The following DLG2 variants were observed in gnomAD, a reference collection of about 807,000 sequenced individuals.
DLG2 encodes disks large homolog 2.
In DLG2, 45 loss-of-function variants were observed where a neutral mutation model predicts 132.5. The ratio of observed to expected loss-of-function variants is 0.34; its 90% CI spans 0.27 to 0.44. The LOEUF (loss-of-function observed/expected upper bound fraction) is 0.44, where lower values mean the gene tolerates loss of function less well. DLG2 is among the 20% of genes least tolerant of loss of function. The probability of loss-of-function intolerance (pLI) is 1.00; values close to 1 mark genes in which losing one functional copy is unlikely to be tolerated. For synonymous variants in DLG2, 424 were observed against 419.6 expected (o/e 1.01, Z -0.13); for missense variants, 1,045 against 1,196.9 (o/e 0.87, Z 1.87).
chr11:85,545,701 C>T (rs2076271767), intron 3 of DLG2, among the ~76,000 whole-genome samples: 2 of 152,126 alleles, frequency 1.3e-5, no homozygotes, highest in South Asian at 4.1e-4. Flanking sequence ...TCAACTTCTT[C>T]CTGGTTTAGT....
intron 6 of DLG2, among the ~76,000 whole-genome samples, chr11:84,784,341 TA>T (rs1565952859): frequency 2.7e-5 from 4 of 146,150 alleles, no homozygotes; most frequent in Non-Finnish European, 6.0e-5. Context: ...AATAAATAAA[TA>T]AATAAATAAA....
At chr11:83,844,707 A>C (rs757011083) in intron 16 of DLG2, among the ~76,000 whole-genome samples, 2 of 152,134 alleles carry the variant, frequency 1.3e-5, no homozygotes, top group Non-Finnish European at 2.9e-5. Context: ...TCTTCGCAAT[A>C]GATCTCCAGA....
intron 19 of DLG2, among the ~76,000 whole-genome samples, chr11:83,621,170 A>T (rs1359594946): frequency 6.6e-6 from 1 of 152,174 alleles, no homozygotes; most frequent in African/African-American, 2.4e-5. Flanking sequence ...AAGAGCAACC[A>T]ATTCAAATAT....
chr11:85,504,413 T>C (rs1371368168), intron 3 of DLG2, among the ~76,000 whole-genome samples: 4 of 152,234 alleles, frequency 2.6e-5, no homozygotes, highest in African/African-American at 7.2e-5. Context: ...AGGGATCCAG[T>C]TTCAGCTTTC....
intron 22 of DLG2, 117 bp from the exon 23 acceptor site, chr11:83,472,894 C>G: frequency 1.2e-6 from 1 of 807,958 alleles, no homozygotes; most frequent in Non-Finnish European, 2.0e-6. Context: ...CTTGCTCTTT[C>G]TCCTTGAACC....
chr11:84,332,204 C>G (rs1376154931), intron 7 of DLG2, among the ~76,000 whole-genome samples: 3 of 137,240 alleles, frequency 2.2e-5, no homozygotes, highest in Non-Finnish European at 3.1e-5. Context: ...TTTGCTTGTC[C>G]TTTTTTTTTT....
At chr11:84,615,054 T>A (rs1318675975) in intron 6 of DLG2, among the ~76,000 whole-genome samples, 1 of 152,092 alleles carries the variant, frequency 6.6e-6, no homozygotes, top group Non-Finnish European at 1.5e-5. Flanking sequence ...ACCCAATTCA[T>A]AAGGATGATA....
intron 7 of DLG2, among the ~76,000 whole-genome samples, chr11:84,415,066 TG>T (rs2098924373): frequency 6.6e-6 from 1 of 152,172 alleles, no homozygotes; most frequent in African/African-American, 2.4e-5. Flanking sequence ...AATTTCAATA[TG>T]CAAAGCAGAG....
At chr11:85,150,913 G>C (rs527302190) in intron 5 of DLG2, among the ~76,000 whole-genome samples, 4 of 152,044 alleles carry the variant, frequency 2.6e-5, no homozygotes, top group Admixed American at 2.6e-4. Context: ...TTGCTGGATC[G>C]TACGGTATTT....
intron 6 of DLG2, among the ~76,000 whole-genome samples, chr11:84,708,298 C>T (rs2059989595): frequency 6.6e-6 from 1 of 151,890 alleles, no homozygotes; most frequent in South Asian, 2.1e-4. Context: ...TAACAGTAAA[C>T]ATTATTTTAA....
intron 18 of DLG2, among the ~76,000 whole-genome samples, chr11:83,785,876 G>C (rs1462480470): frequency 6.6e-6 from 1 of 152,128 alleles, no homozygotes; most frequent in Non-Finnish European, 1.5e-5. Flanking sequence ...TAGCCATATG[G>C]ACCAAAAGCA....
At chr11:84,840,987 A>G (rs1207623604) in intron 6 of DLG2, among the ~76,000 whole-genome samples, 3 of 150,826 alleles carry the variant, frequency 2.0e-5, no homozygotes, top group Non-Finnish European at 4.4e-5. Context: ...TTAAAGTATA[A>G]TAGTAAAAAA....
chr11:85,317,213 G>A (rs540743005), intron 3 of DLG2, among the ~76,000 whole-genome samples: 2 of 152,002 alleles, frequency 1.3e-5, no homozygotes, highest in Admixed American at 6.6e-5. Context: ...ACTAAAAGAG[G>A]ATGTGGTAAA....
intron 8 of DLG2, among the ~76,000 whole-genome samples, chr11:84,182,997 G>A (rs1379219811): frequency 1.3e-5 from 2 of 152,048 alleles, no homozygotes; most frequent in South Asian, 4.1e-4. Flanking sequence ...AAGGTGAAAT[G>A]AACTGTTTTC....
chr11:84,103,248 A>G (rs2092669618), intron 9 of DLG2, among the ~76,000 whole-genome samples: 1 of 152,056 alleles, frequency 6.6e-6, no homozygotes, highest in Admixed American at 6.6e-5. Flanking sequence ...AGAGAGAGGG[A>G]CAGATGCAAA....
chr11:83,545,475 T>C (rs998944548), intron 19 of DLG2, among the ~76,000 whole-genome samples: 1 of 152,098 alleles, frequency 6.6e-6, no homozygotes, highest in East Asian at 1.9e-4. Context: ...ATCTAAAATA[T>C]CTCTGTATCC....
At chr11:84,125,517 T>C (rs902472336) in intron 9 of DLG2, among the ~76,000 whole-genome samples, 2 of 152,094 alleles carry the variant, frequency 1.3e-5, no homozygotes, top group African/African-American at 4.8e-5. Flanking sequence ...ATGCTGAGGA[T>C]CTTTAGGGTC....
At chr11:85,415,076 G>A (rs2089701813) in intron 3 of DLG2, among the ~76,000 whole-genome samples, 1 of 151,914 alleles carries the variant, frequency 6.6e-6, no homozygotes, top group Non-Finnish European at 1.5e-5. Flanking sequence ...TGTTCTCATT[G>A]ATCAACTCCC....
chr11:83,964,558 T>G lies in DLG2; in HGVS notation c.1201+766A>C, dbSNP rs539618822. 1.3e-4 allele frequency among the ~76,000 whole-genome samples: 20 copies of G among 152,152 alleles called. No individual in the cohort carries two copies. The South Asian group carries it at 4.1e-3, about 31-fold the overall frequency. ...CAAATGGACTCTCAACATTTCAGAA[T>G]GAGCAAGCTTACTACTGTTGACACA... On this transcript the variant is annotated intron_variant, in intron 13 of 27. Coordinates refer to ENST00000376104, the MANE Select transcript of DLG2 (RefSeq NM_001142699.3).
Sources: allele counts gnomAD v4.1 joint callset (sites outside exome capture counted in the v4.1 genomes callset), GRCh38; gene constraint gnomAD v4.1.1; transcripts MANE v1.5; gene names NCBI Gene and HGNC (gene_info 2026-07-23, HGNC 2026-07-21).